Variants in NDST3 observed in about 807,000 individuals in gnomAD.
The protein encoded by NDST3 is bifunctional heparan sulfate N-deacetylase/N-sulfotransferase 3.
Under a neutral mutation model 96.1 loss-of-function variants are expected in NDST3, and 58 were observed. The ratio of observed to expected loss-of-function variants is 0.60; its 90% CI spans 0.49 to 0.75. The LOEUF (loss-of-function observed/expected upper bound fraction) is 0.75, where lower values mean the gene tolerates loss of function less well. NDST3 is among the 30% of genes least tolerant of loss of function. The probability of loss-of-function intolerance (pLI) is 0.00; values close to 1 mark genes in which losing one functional copy is unlikely to be tolerated. For missense variants in NDST3, 788 were observed against 1,034.2 expected (o/e 0.76, Z 3.27); for synonymous variants, 333 against 359.7 (o/e 0.93, Z 0.84).
intron 2 of NDST3, among the ~76,000 whole-genome samples, chr4:118,065,021 C>T (rs1726193487): frequency 6.6e-6 from 1 of 152,112 alleles, no homozygotes; most frequent in African/African-American, 2.4e-5. Context: ...CCGTATGGCC[C>T]ACCTGGATAA....
intron 6 of NDST3, among the ~76,000 whole-genome samples, chr4:118,191,802 A>G (rs1213194826): frequency 6.6e-6 from 1 of 152,210 alleles, no homozygotes; most frequent in Non-Finnish European, 1.5e-5. Context: ...TACTAGTTTG[A>G]TAGTAGGATT....
intron 4 of NDST3, among the ~76,000 whole-genome samples, chr4:118,127,175 C>T (rs77359927): frequency 6.6e-6 from 1 of 151,836 alleles, no homozygotes; most frequent in Non-Finnish European, 1.5e-5. Flanking sequence ...GTTTTGTTTG[C>T]TGTGTAGAAG....
chr4:118,172,064 T>G (rs9996753), intron 6 of NDST3, among the ~76,000 whole-genome samples: 27,571 of 152,194 alleles, frequency 0.18, 2,658 homozygotes, highest in South Asian at 0.23. Flanking sequence ...GTAGACATTA[T>G]AAATCAAGGT....
intron 2 of NDST3, among the ~76,000 whole-genome samples, chr4:118,088,236 T>A (rs1257849669): frequency 6.6e-6 from 1 of 152,082 alleles, no homozygotes; most frequent in African/African-American, 2.4e-5. Flanking sequence ...GGATACCGTC[T>A]TAAAATAATC....
intron 12 of NDST3, among the ~76,000 whole-genome samples, chr4:118,247,206 T>TA (rs34436506): frequency 0.98 from 139,482 of 143,016 alleles, 68,010 homozygotes; most frequent in South Asian, 0.99. Context: ...CAGGGGGGTT[T>TA]AAAAAAAAAA....
At chr4:118,176,500 A>C (rs1218142052) in intron 6 of NDST3, among the ~76,000 whole-genome samples, 2 of 152,212 alleles carry the variant, frequency 1.3e-5, no homozygotes, top group East Asian at 3.9e-4. Flanking sequence ...TGGGAGAATT[A>C]AGCCCTAATG....
Position 118,105,029 on chromosome 4 carries a change from T to C in NDST3, c.993T>C (p.Asp331=), listed in dbSNP as rs1215249833. ...ATTATGTATTTCAGGCCCTGCTTGA[T>C]ACTCAGAATCTTTTGCGTGCACAAA... is the stretch of plus-strand genomic sequence containing the variant. The part of the protein sequence containing the change: ...MNTNDVKALL[D]TQNLLRAQIT... The change falls in exon 3 of 14, where the codon GAT becomes GAC. Residue 331 remains aspartate, a synonymous_variant. Coordinates refer to ENST00000296499, the MANE Select transcript of NDST3 (RefSeq NM_004784.3). The C allele has an allele frequency of 1.2e-6, 2 of 1,613,208 alleles. No homozygotes were observed. Among genetic ancestry groups the C allele is most frequent in the East Asian group, 2.2e-5 (1 of 44,790 alleles).
At chr4:118,094,018 T>C (rs931767017) in intron 2 of NDST3, among the ~76,000 whole-genome samples, 11 of 151,746 alleles carry the variant, frequency 7.2e-5, no homozygotes, top group Non-Finnish European at 1.6e-4. Flanking sequence ...CTCAAGCCTT[T>C]TTATAAGGTC....
At chr4:118,238,163 GA>G (rs371243537) in intron 10 of NDST3, among the ~76,000 whole-genome samples, 1 of 37,928 alleles carries the variant, frequency 2.6e-5, no homozygotes, top group African/African-American at 2.3e-4. Flanking sequence ...AGAAAAGAAA[GA>G]AAGAAAGAAA....
intron 6 of NDST3, among the ~76,000 whole-genome samples, chr4:118,181,341 A>G (rs1736595904): frequency 6.6e-6 from 1 of 152,158 alleles, no homozygotes; most frequent in Non-Finnish European, 1.5e-5. Flanking sequence ...CGATGGTTAA[A>G]AGGAAGAAGG....
intron 2 of NDST3, among the ~76,000 whole-genome samples, chr4:118,083,132 T>C (rs1173828155): frequency 6.6e-6 from 1 of 152,216 alleles, no homozygotes; most frequent in Non-Finnish European, 1.5e-5. Context: ...CCATGAATTA[T>C]TTTAAAACAC....
At chr4:118,119,929 T>C (rs1731414816) in intron 4 of NDST3, among the ~76,000 whole-genome samples, 1 of 152,108 alleles carries the variant, frequency 6.6e-6, no homozygotes, top group Admixed American at 6.6e-5. Context: ...GGTTGGTAGA[T>C]ATTTTTCGTT....
chr4:118,201,572 T>A (rs1231269672), intron 6 of NDST3, among the ~76,000 whole-genome samples: 1 of 152,208 alleles, frequency 6.6e-6, no homozygotes, highest in Non-Finnish European at 1.5e-5. Context: ...GTTGGTGACT[T>A]GTATGACGTC....
At chr4:118,057,433 T>C (rs1393325647) in intron 2 of NDST3, among the ~76,000 whole-genome samples, 1 of 151,816 alleles carries the variant, frequency 6.6e-6, no homozygotes, top group Non-Finnish European at 1.5e-5. Context: ...ATTCACCACA[T>C]GAAAGTGTGT....
intron 10 of NDST3, among the ~76,000 whole-genome samples, chr4:118,238,920 G>A (rs893653449): frequency 1.3e-5 from 2 of 152,192 alleles, no homozygotes; most frequent in African/African-American, 4.8e-5. Context: ...AAATTAAAAT[G>A]AAGAAGTGTT....
At chr4:118,051,333 T>A (rs1331018517) in intron 1 of NDST3, among the ~76,000 whole-genome samples, 1 of 152,016 alleles carries the variant, frequency 6.6e-6, no homozygotes, top group Non-Finnish European at 1.5e-5. Context: ...ATACTGTTTA[T>A]GATATCAGCC....
At position 118,143,655 on chromosome 4, in the gene NDST3, G is replaced by C. The variant is rs776546871; in HGVS notation, c.1510G>C (p.Glu504Gln). 2 of 1,604,420 alleles carry C rather than the reference G, an allele frequency of 1.2e-6. No individual in the cohort carries two copies. Among genetic ancestry groups the C allele is most frequent in the South Asian group, 2.3e-5 (2 of 88,106 alleles). Residue 504 changes from glutamate to glutamine, a missense_variant, in exon 6 of 14, where the codon GAA (glutamate) becomes CAA (glutamine). Glu to Gln is a conservative substitution (Grantham distance 29). This residue lies in a region of NDST3 where 490 missense variants were observed against 708.8 expected (regional missense o/e 0.69). Coordinates refer to ENST00000296499, the MANE Select transcript of NDST3 (RefSeq NM_004784.3). ...GCTGGATAAGAGTATCCAAGGAGGA[G>C]AACTTTTCTTCACTGTCGTCCTCAA... ...KELDKSIQGG[E>Q]LFFTVVLNPI... is the part of the protein sequence containing the mutation.
chr4:118,053,970 T>A lies in NDST3; in HGVS notation c.60T>A (p.Thr20=). ...AAAGAACAGTCATTCTGCTTGCCAC[T>A]TTTTGTATGGTGAGCATTATCATTT... ...HFQRTVILLA[T]FCMVSIIISA... The change falls in exon 2 of 14, where the codon ACT becomes ACA. Residue 20 remains threonine, a synonymous_variant. Transcript: ENST00000296499. 6.2e-7 allele frequency: 1 copy of A among 1,611,916 alleles called. No homozygotes were observed. The highest frequency in any genetic ancestry group is 8.5e-7 in the Non-Finnish European group (1 of 1,178,800).
chr4:118,131,194 A>G (rs540879686), intron 4 of NDST3, among the ~76,000 whole-genome samples: 7 of 152,118 alleles, frequency 4.6e-5, no homozygotes, highest in African/African-American at 1.4e-4. Flanking sequence ...TTTAAAACCA[A>G]TATCTCTGAG....
Sources: gnomAD v4.1 joint callset for allele counts (sites outside exome capture counted in the v4.1 genomes callset) on GRCh38, gnomAD v4.1.1 for gene constraint, gnomAD v4.1.1 regional missense constraint, MANE v1.5 for transcripts, NCBI Gene and HGNC (gene_info 2026-07-23, HGNC 2026-07-21) for gene names.